ANKRD66: variants seen among roughly 807,000 people sequenced by gnomAD.
ANKRD66 encodes the protein ankyrin repeat domain 66.
A neutral mutation model predicts 10.9 loss-of-function variants in ANKRD66; 10 were observed. The ratio of observed to expected loss-of-function variants is 0.91; its 90% CI spans 0.56 to 1.55. ANKRD66 has a LOEUF of 1.55. ANKRD66 is among the 40% of genes most tolerant of loss of function. ANKRD66 has a pLI of 0.00. For synonymous variants in ANKRD66, 85 were observed against 88.4 expected, an observed-to-expected ratio of 0.96 and a Z score of 0.22; for missense variants, 252 against 242.9, an observed-to-expected ratio of 1.04 and a Z score of -0.25.
chr6:46,750,203 C>T (rs1016021599), intron 2 of ANKRD66, among the ~76,000 whole-genome samples: 68 of 152,118 alleles, frequency 4.5e-4, no homozygotes, highest in African/African-American at 1.5e-3. Flanking sequence ...TCAACCTTTT[C>T]GTTCTCAGAG....
At position 46,747,003 on chromosome 6, in the gene ANKRD66, A is replaced by G. The variant is rs950847403; in HGVS notation, c.-97+13A>G. The G allele has an allele frequency of 6.5e-7, 1 of 1,534,938 alleles. No homozygotes were observed. The highest frequency in any genetic ancestry group is 1.4e-5 in the African/African-American group (1 of 73,156). Reference sequence around the variant, plus strand: ...TTCACACAAGACAGTAAGTGTTTTTAAGTTACCCTCTCTTATTTACTATAG... The same window carrying G: ...TTCACACAAGACAGTAAGTGTTTTTGAGTTACCCTCTCTTATTTACTATAG... On this transcript the variant is annotated intron_variant, in intron 1 of 4. Transcript: ENST00000565422.
intron 3 of ANKRD66, 87 bp from the exon 4 acceptor site, chr6:46,753,635 A>T (rs141486382): frequency 7.7e-7 from 1 of 1,294,430 alleles, no homozygotes; most frequent in Middle Eastern, 2.8e-4. Flanking sequence ...TTCCCCTTCT[A>T]TTGTGTTACC....
chr6:46,748,835 C>T (rs985446194), intron 1 of ANKRD66, among the ~76,000 whole-genome samples: 3 of 152,198 alleles, frequency 2.0e-5, no homozygotes, highest in African/African-American at 7.2e-5. Flanking sequence ...TACTTTTCAG[C>T]CACAAAGATA....
In ANKRD66 at chr6:46,753,907, G is replaced by T. The variant is rs764007384; in HGVS notation, c.349G>T (p.Ala117Ser). 3.2e-5 allele frequency: 49 copies of T among 1,551,508 alleles called. No individual in the cohort carries two copies. Among genetic ancestry groups the T allele is most frequent in the Non-Finnish European group, 4.0e-5 (46 of 1,147,000 alleles). ...DFFGDTPKRIAQIYGQKACVA... is the reference protein window; with the variant it reads ...DFFGDTPKRISQIYGQKACVA... ...CTTTGGAGACACACCGAAGAGGATT[G>T]CACAGATCTATGGACAGAAAGCCTG... The change falls in exon 4 of 5, where the codon GCA becomes TCA. Residue 117 changes from alanine to serine, a missense_variant. By Grantham distance (99) the Ala-to-Ser change is moderately conservative (BLOSUM62 1). Coordinates refer to ENST00000565422, the MANE Select transcript of ANKRD66 (RefSeq NM_001162435.3).
intron 1 of ANKRD66, among the ~76,000 whole-genome samples, chr6:46,749,023 C>G (rs1029163881): frequency 2.0e-5 from 3 of 152,206 alleles, no homozygotes; most frequent in Non-Finnish European, 4.4e-5. Flanking sequence ...CTGGCTCACC[C>G]CACTTTCGTA....
intron 4 of ANKRD66, among the ~76,000 whole-genome samples, chr6:46,754,174 T>C (rs1025555634): frequency 5.9e-5 from 9 of 152,202 alleles, no homozygotes; most frequent in Non-Finnish European, 1.0e-4. Context: ...GTTTTGATTA[T>C]ACAAAAATTA....
Position 46,749,937 on chromosome 6 carries a change from C to T in ANKRD66, c.-55C>T. 1 of 1,546,926 alleles carries T rather than the reference C, an allele frequency of 6.5e-7. No individual in the cohort carries two copies. The highest frequency in any genetic ancestry group is 8.8e-7 in the Non-Finnish European group (1 of 1,142,820). ...CAATGCACTCACCTGGAGGGCTTAC[C>T]ACAACAAAGATGGCCGGACCCCTGC... On this transcript the variant is annotated 5_prime_UTR_variant, in exon 2 of 5. Transcript: ENST00000565422.
chr6:46,749,561 C>A lies in ANKRD66; in HGVS notation c.-96-335C>A, dbSNP rs76003648. On this transcript the variant is annotated intron_variant, in intron 1 of 4. Transcript: ENST00000565422. The stretch of plus-strand genomic sequence containing the variant: ...TTTTTCTCTTTTATTCCCCCCCCCC[C>A]CCCCCCGCTTTTTTCTTTTCCTCTT... Among the ~76,000 whole-genome samples, 624 of 93,844 alleles carry A rather than the reference C, an allele frequency of 6.6e-3. 26 individuals are homozygous for A. Among genetic ancestry groups the A allele is most frequent in the African/African-American group, 0.024 (590 of 24,482 alleles). The allele number at this position is 93,844 out of a possible 152,430, so 61.6% of individuals were successfully genotyped here.
chr6:46,750,594 T>A (rs922802755), intron 2 of ANKRD66, among the ~76,000 whole-genome samples: 6 of 149,864 alleles, frequency 4.0e-5, no homozygotes, highest in African/African-American at 1.5e-4. Context: ...TATATACATA[T>A]ATGTGCATGA....
rs1409975878 is a variant in ANKRD66 at position 46,758,984 on chromosome 6, C to T, written c.*63C>T. 39 of 1,452,900 alleles carry T rather than the reference C, an allele frequency of 2.7e-5. No individual in the cohort carries two copies. Among genetic ancestry groups the T allele is most frequent in the South Asian group, 5.6e-5 (4 of 71,884 alleles). 90.0% of individuals were successfully genotyped at this position (1,452,900 alleles called of 1,614,324 possible). Reference sequence around the variant, plus strand: ...TGGTGCCAGAAATGAGGCTGTTAGGCATGGTGGCCTTTCCATGACTTTACT... The same window carrying T: ...TGGTGCCAGAAATGAGGCTGTTAGGTATGGTGGCCTTTCCATGACTTTACT... On this transcript the variant is annotated 3_prime_UTR_variant, in exon 5 of 5. Coordinates refer to ENST00000565422, the MANE Select transcript of ANKRD66 (RefSeq NM_001162435.3).
Position 46,749,991 on chromosome 6 carries a change from G to T in ANKRD66, c.-13+12G>T. 1 of 1,344,346 alleles carries T rather than the reference G, an allele frequency of 7.4e-7. No individual in the cohort carries two copies. The highest frequency in any genetic ancestry group is 1.0e-6 in the Non-Finnish European group (1 of 958,520). 83.3% of individuals were successfully genotyped at this position (1,344,346 alleles called of 1,614,324 possible). A position where few individuals can be genotyped will look rare whatever the true frequency, so the allele number is the denominator to read the frequency against. ...GAGTTTCAGATTCTGTAAGTCTGGGGCTGAGCACAATAATTTGCATTTCTA... is the reference window on the plus strand; with the variant it reads ...GAGTTTCAGATTCTGTAAGTCTGGGTCTGAGCACAATAATTTGCATTTCTA... On this transcript the variant is annotated intron_variant, in intron 2 of 4. Transcript: ENST00000565422.
chr6:46,749,446 G>T (rs1250347261), intron 1 of ANKRD66, among the ~76,000 whole-genome samples: 7 of 151,790 alleles, frequency 4.6e-5, no homozygotes, highest in Non-Finnish European at 7.4e-5. Context: ...GGTACAAAGA[G>T]GGTAGAAAGA....
chr6:46,748,731 T>G (rs1766196938), intron 1 of ANKRD66, among the ~76,000 whole-genome samples: 1 of 152,234 alleles, frequency 6.6e-6, no homozygotes, highest in South Asian at 2.1e-4. Flanking sequence ...GAAAATCCAC[T>G]GCTGATTCTC....
At chr6:46,758,634 G>A (rs753667958) in intron 4 of ANKRD66, 89 bp from the exon 5 acceptor site, 31 of 1,272,436 alleles carry the variant, frequency 2.4e-5, no homozygotes, top group African/African-American at 1.1e-4. Flanking sequence ...ACTGAACTGC[G>A]GTGTGCAGAA....
intron 4 of ANKRD66, chr6:46,757,284 G>A (rs41271281): frequency 1.3e-5 from 2 of 152,248 alleles, no homozygotes; most frequent in East Asian, 3.9e-4. Flanking sequence ...TAGAGTGAAG[G>A]CACCAACTTG....
intron 1 of ANKRD66, among the ~76,000 whole-genome samples, chr6:46,749,562 C>CCCCCA (rs1766222424): frequency 1.0e-5 from 1 of 97,764 alleles, no homozygotes; most frequent in Non-Finnish European, 2.0e-5. Flanking sequence ...CCCCCCCCCC[C>CCCCCA]CCCCCGCTTT....
At chr6:46,754,849 G>A (rs1766349525) in intron 4 of ANKRD66, among the ~76,000 whole-genome samples, 1 of 152,120 alleles carries the variant, frequency 6.6e-6, no homozygotes, top group Non-Finnish European at 1.5e-5. Context: ...GAGTAAAGAG[G>A]CAGAACCTTG....
At chr6:46,747,434 G>A (rs879758173) in intron 1 of ANKRD66, among the ~76,000 whole-genome samples, 60 of 152,174 alleles carry the variant, frequency 3.9e-4, no homozygotes, top group African/African-American at 1.4e-3. Flanking sequence ...AAGAAATCCT[G>A]TACTTATCAG....
At chr6:46,758,485 T>C (rs562702243) in intron 4 of ANKRD66, 4 of 383,716 alleles carry the variant, frequency 1.0e-5, no homozygotes, top group Non-Finnish European at 1.8e-5. Context: ...TTCTTCAAGC[T>C]GAGTGACTAT....
Sources: gnomAD v4.1 joint callset for allele counts (sites outside exome capture counted in the v4.1 genomes callset) on GRCh38, gnomAD v4.1.1 for gene constraint, MANE v1.5 for transcripts, NCBI Gene and HGNC (gene_info 2026-07-23, HGNC 2026-07-21) for gene names.